The following PAN2 variants were observed in gnomAD, a reference collection of about 807,000 sequenced individuals.
PAN2 encodes the protein PAN2-PAN3 deadenylation complex catalytic subunit PAN2.
In PAN2, 68 loss-of-function variants were observed where a neutral mutation model predicts 133.3. The observed-to-expected ratio is 0.51, with a 90% CI of 0.42 to 0.62. PAN2 has a LOEUF of 0.62. Ranked by LOEUF, PAN2 falls within the 20% of genes least tolerant of loss-of-function variation. PAN2 has a pLI of 0.00. For synonymous variants in PAN2, 462 were observed against 544.6 expected (o/e 0.85, Z 2.11); for missense variants, 1,042 against 1,500.5 (o/e 0.69, Z 5.05).
intron 4 of PAN2, 58 bp downstream of exon 4, chr12:56,328,180 C>A: frequency 1.3e-6 from 2 of 1,595,672 alleles, no homozygotes; most frequent in South Asian, 1.1e-5. Context: ...CCCAAGCATA[C>A]CCTGCCCCCG....
chr12:56,325,534 C>T, intron 8 of PAN2, 80 bp from the exon 9 acceptor site: 2 of 1,510,616 alleles, frequency 1.3e-6, no homozygotes, highest in South Asian at 2.3e-5. Flanking sequence ...AACATTGAAA[C>T]AGCCACCAAG....
chr12:56,323,054 T>G lies in PAN2; in HGVS notation c.2493+8A>C, dbSNP rs903880901. On this transcript the variant is annotated splice_region_variant and intron_variant, in intron 17 of 25. Transcript: ENST00000440411. ...TATTCCCTTTCCTCTTCCCGGTTTT[T>G]CAACAACCTGCATCTCATCCCCATC... 6.2e-7 allele frequency: 1 copy of G among 1,613,910 alleles called. No homozygotes were observed. The highest frequency in any genetic ancestry group is 1.7e-5 in the Admixed American group (1 of 60,028).
chr12:56,322,119 T>G lies in PAN2; in HGVS notation c.2747A>C (p.Tyr916Ser), dbSNP rs890738162. 2.5e-6 allele frequency: 4 copies of G among 1,610,904 alleles called. No homozygotes were observed. Among genetic ancestry groups the G allele is most frequent in the Non-Finnish European group, 3.4e-6 (4 of 1,177,216 alleles). The change falls in exon 20 of 26, where the codon TAT becomes TCT. Residue 916 changes from tyrosine to serine, a missense_variant. Around this residue, in one of 3 missense-constraint regions of PAN2, gnomAD observed 908 missense variants for 1,223.5 expected, o/e 0.74. Transcript: ENST00000440411. Reference protein sequence around the residue: ...DMNWKVPAILYYVKRNLNSRY... With the variant: ...DMNWKVPAILSYVKRNLNSRY... ...GGAATTGAGATTCCGTTTGACATAA[T>G]AAAGGATTGCAGGTACTTTCCAATT...
chr12:56,323,551 A>G lies in PAN2; in HGVS notation c.2220T>C (p.Asn740=), dbSNP rs573194480. The G allele has an allele frequency of 1.9e-6, 3 of 1,614,212 alleles. No individual in the cohort carries two copies. Among genetic ancestry groups the G allele is most frequent in the Non-Finnish European group, 8.5e-7 (1 of 1,180,034 alleles). ...IRHLPDILVI[N]CEVNSSKEAD... is the part of the protein sequence containing the mutation. ...CCTCTTTTGAGCTGTTCACCTCACA[A>G]TTGATGACAAGAATATCTGGCAGAT... The change falls in exon 15 of 26, where the codon AAT becomes AAC. Residue 740 remains asparagine, a synonymous_variant. Transcript: ENST00000440411.
chr12:56,333,523 G>A (rs997414143), intron 1 of PAN2: 7 of 178,948 alleles, frequency 3.9e-5, no homozygotes, highest in South Asian at 3.7e-4. Context: ...AAGGGAGCGA[G>A]AATTGCGGGG....
At chr12:56,327,803 C>A in intron 5 of PAN2, 172 bp from the exon 6 acceptor site, 1 of 1,288,398 alleles carries the variant, frequency 7.8e-7, no homozygotes. Flanking sequence ...TTCAGGGAGA[C>A]TTCATTATCA....
chr12:56,328,568 A>G lies in PAN2; in HGVS notation c.356T>C (p.Ile119Thr), dbSNP rs745581134. 2.5e-6 allele frequency: 4 copies of G among 1,614,250 alleles called. No homozygotes were observed. In the Admixed American group the frequency reaches 5.0e-5, roughly 20 times the overall value. ...ATTCTCCAGGCTCTGGATCTGCCGA[A>G]TATCATCACTGCCATTGACTTGAAA... ...SSFQVNGSDD[I>T]RQIQSLENGI... Residue 119 changes from isoleucine (I) to threonine (T), a missense_variant, in exon 3 of 26, where the codon ATT (isoleucine) becomes ACT (threonine). This residue lies in a region of PAN2 where 908 missense variants were observed against 1,223.5 expected (regional missense o/e 0.74). Coordinates refer to ENST00000440411, the MANE Select transcript of PAN2 (RefSeq NM_014871.6).
intron 12 of PAN2, 28 bp from the exon 13 acceptor site, chr12:56,324,213 C>T (rs1313747442): frequency 6.2e-7 from 1 of 1,612,596 alleles, no homozygotes; most frequent in South Asian, 1.1e-5. Context: ...GATATATGCA[C>T]ATTGAGGAAG....
rs776419342 is a variant in PAN2 at position 56,332,993 on chromosome 12, T to C, written c.102A>G (p.Leu34=). ...VLDAHLNPSL[L]QNVELDPEGV... ...CCTCTGGGTCCAGCTCCACATTCTG[T>C]AGCAGACTTGGGTTCAGGTGGGCAT... Residue 34 remains leucine, a synonymous_variant, in exon 2 of 26, where the codon CTA becomes CTG. Transcript: ENST00000440411. 20 of 1,614,172 alleles carry C rather than the reference T, an allele frequency of 1.2e-5. No individual in the cohort carries two copies. The highest frequency in any genetic ancestry group is 4.4e-5 in the South Asian group (4 of 91,082).
At chr12:56,329,975 C>T (rs1055426882) in intron 2 of PAN2, among the ~76,000 whole-genome samples, 4 of 151,010 alleles carry the variant, frequency 2.6e-5, no homozygotes, top group African/African-American at 9.7e-5. Context: ...CCTTCAGTGG[C>T]CTGAAGGTTC....
chr12:56,322,341 C>T (rs142011961), intron 19 of PAN2, 82 bp downstream of exon 19: 262 of 1,234,366 alleles, frequency 2.1e-4, no homozygotes, highest in Admixed American at 2.9e-4. Context: ...GTTGAATCTG[C>T]CTGGCATTCT....
At chr12:56,322,348 T>G in intron 19 of PAN2, 75 bp downstream of exon 19, 3 of 1,283,062 alleles carry the variant, frequency 2.3e-6, no homozygotes, top group Non-Finnish European at 3.4e-6. Flanking sequence ...CTGCCTGGCA[T>G]TCTATAGAGC....
rs1039709208 is a variant in PAN2 at position 56,322,711 on chromosome 12, G to A, written c.2541C>T (p.Asp847=). 3 of 1,613,968 alleles carry A rather than the reference G, an allele frequency of 1.9e-6. No individual in the cohort carries two copies. In the African/African-American group the frequency reaches 4.0e-5, roughly 22 times the overall value. The part of the protein sequence containing the change: ...AEEEHGVYVY[D]LMATVVHILD... ...GGATGTGTACCACAGTAGCCATCAG[G>A]TCATACACATAGACACCATGCTCCT... is the stretch of plus-strand genomic sequence containing the variant. Residue 847 remains aspartate, a synonymous_variant, in exon 18 of 26, where the codon GAC becomes GAT. Transcript: ENST00000440411.
At chr12:56,330,347 A>ATT (rs1875635156) in intron 2 of PAN2, among the ~76,000 whole-genome samples, 1 of 95,958 alleles carries the variant, frequency 1.0e-5, no homozygotes, top group Non-Finnish European at 2.3e-5. Flanking sequence ...ACTCAACTGT[A>ATT]TTTTTCTTTT....
intron 20 of PAN2, among the ~76,000 whole-genome samples, chr12:56,320,455 TG>T (rs1270293927): frequency 3.3e-5 from 5 of 151,778 alleles, no homozygotes; most frequent in African/African-American, 1.2e-4. Flanking sequence ...CTGCCCAACA[TG>T]GTGAAACCCC....
At chr12:56,323,965 A>G in intron 13 of PAN2, 52 bp from the exon 14 acceptor site, 1 of 1,605,554 alleles carries the variant, frequency 6.2e-7, no homozygotes, top group Non-Finnish European at 8.5e-7. Flanking sequence ...ACCCACAGTT[A>G]GTCCCCAACA....
rs1874791693 is a variant in PAN2, at chr12:56,323,511, T to C, written c.2260A>G (p.Met754Val). Residue 754 changes from methionine to valine, a missense_variant, in exon 15 of 26, where the codon ATG becomes GTG. Transcript: ENST00000440411. The stretch of plus-strand genomic sequence containing the variant: ...GTCTGAGTCCTTACCTCAGCCTGCA[T>C]TCTCCAGAAATCAGCCTCTTTTGAG... The part of the protein sequence containing the change: ...NSSKEADFWR[M>V]QAEVAFKMAV... 1.2e-6 allele frequency: 2 copies of C among 1,613,960 alleles called. No individual in the cohort carries two copies. Among genetic ancestry groups the C allele is most frequent in the South Asian group, 2.2e-5 (2 of 91,086 alleles).
chr12:56,323,166 T>C lies in PAN2; in HGVS notation c.2389A>G (p.Ile797Val), dbSNP rs1223518454. The change falls in exon 17 of 26, where the codon ATT (isoleucine) becomes GTT (valine). Residue 797 changes from isoleucine (I) to valine (V), a missense_variant. Transcript: ENST00000440411. ...SPEGVLVCPS[I>V]EELKNVWLPF... ...AGCCAGACGTTCTTCAACTCCTCAA[T>C]GGAGGGACACACCAGCACACCCTCT... The C allele has an allele frequency of 1.2e-6, 2 of 1,614,056 alleles. No homozygotes were observed. The highest frequency in any genetic ancestry group is 8.5e-7 in the Non-Finnish European group (1 of 1,180,046).
At position 56,328,021 on chromosome 12, in the gene PAN2, A is replaced by G. The variant is rs937336835; in HGVS notation, c.625T>C (p.Phe209Leu). Residue 209 changes from phenylalanine to leucine, a missense_variant, in exon 5 of 26, where the codon TTC becomes CTC. Phe to Leu is a conservative substitution (Grantham distance 22). Around this residue, in one of 3 missense-constraint regions of PAN2, gnomAD observed 908 missense variants for 1,223.5 expected, o/e 0.74. Coordinates refer to ENST00000440411, the MANE Select transcript of PAN2 (RefSeq NM_014871.6). ...TTGCCAGACGTGTGGCCGCAGAAGA[A>G]GAAGCGATTTGTCTGTCTCATGATG... is the stretch of plus-strand genomic sequence containing the variant. Reference protein sequence around the residue: ...VTIMRQTNRFFFCGHTSGKVS... With the variant: ...VTIMRQTNRFLFCGHTSGKVS... 5 of 1,613,886 alleles carry G rather than the reference A, an allele frequency of 3.1e-6. No homozygotes were observed. Among genetic ancestry groups the G allele is most frequent in the Non-Finnish European group, 4.2e-6 (5 of 1,179,916 alleles).
Sources: allele counts gnomAD v4.1 joint callset (sites outside exome capture counted in the v4.1 genomes callset), GRCh38; gene constraint gnomAD v4.1.1; regional missense constraint gnomAD v4.1.1; transcripts MANE v1.5; gene names NCBI Gene and HGNC (gene_info 2026-07-23, HGNC 2026-07-21).